SLC25A48: variants seen among roughly 807,000 people sequenced by gnomAD.
SLC25A48 encodes solute carrier family 25 member 48, also known as CTC-321K16.1.
In SLC25A48, 29 loss-of-function variants were observed where a neutral mutation model predicts 32.2. That is an observed-to-expected ratio of 0.90 (90% confidence interval 0.67 to 1.23). The LOEUF (loss-of-function observed/expected upper bound fraction) is 1.23. SLC25A48 is among the 50% of genes most tolerant of loss of function. SLC25A48 has a pLI of 0.00. For synonymous variants in SLC25A48, 164 were observed against 172.3 expected, an observed-to-expected ratio of 0.95 and a Z score of 0.38; for missense variants, 399 against 422.7, an observed-to-expected ratio of 0.94 and a Z score of 0.49.
At chr5:135,779,899 G>A (rs1289266414) in intron 3 of SLC25A48, among the ~76,000 whole-genome samples, 2 of 115,578 alleles carry the variant, frequency 1.7e-5, no homozygotes, top group African/African-American at 5.2e-5. Flanking sequence ...GTATTTCAGG[G>A]ATGTACACAC....
rs142376216 is a variant in SLC25A48 at position 135,824,131 on chromosome 5, C to T, written c.-117+11205C>T. 4.6e-3 allele frequency among the ~76,000 whole-genome samples: 698 copies of T among 152,256 alleles called. 1 individual carries two copies. The highest frequency in any genetic ancestry group is 0.016 in the African/African-American group (670 of 41,538). The stretch of plus-strand genomic sequence containing the variant: ...CAGGGAGGCTGGGGCTGGGAAGGCT[C>T]TTCTGAGCTGAGAGTCCAGGAGCAG... On this transcript the variant is annotated intron_variant, in intron 4 of 10. Transcript: ENST00000646290.
intron 1 of SLC25A48, among the ~76,000 whole-genome samples, chr5:135,591,806 C>T (rs1286588898): frequency 3.3e-5 from 5 of 152,216 alleles, no homozygotes; most frequent in Non-Finnish European, 5.9e-5. Flanking sequence ...ATACCTGTGA[C>T]GTTGACACCC....
At chr5:135,805,365 G>C (rs145407290) in intron 3 of SLC25A48, among the ~76,000 whole-genome samples, 1 of 150,900 alleles carries the variant, frequency 6.6e-6, no homozygotes, top group African/African-American at 2.4e-5. Context: ...TATCAACATG[G>C]GCATACACCC....
chr5:135,725,358 G>A (rs1755065077), intron 3 of SLC25A48, among the ~76,000 whole-genome samples: 1 of 152,180 alleles, frequency 6.6e-6, no homozygotes, highest in Non-Finnish European at 1.5e-5. Context: ...GGGGGCTGGT[G>A]GAGTGGTCAG....
chr5:135,788,765 C>T (rs559306237), intron 3 of SLC25A48, among the ~76,000 whole-genome samples: 73 of 149,506 alleles, frequency 4.9e-4, no homozygotes, highest in African/African-American at 1.7e-3. Flanking sequence ...CCGTAATATC[C>T]GTGGGTTGGG....
At chr5:135,823,780 C>T (rs550007338) in intron 4 of SLC25A48, among the ~76,000 whole-genome samples, 42 of 152,268 alleles carry the variant, frequency 2.8e-4, no homozygotes, top group East Asian at 3.9e-4. Context: ...CTTAACCAAG[C>T]GCTGAGGAAG....
At chr5:135,674,468 T>A (rs1272940529) in intron 3 of SLC25A48, among the ~76,000 whole-genome samples, 1 of 152,054 alleles carries the variant, frequency 6.6e-6, no homozygotes, top group Non-Finnish European at 1.5e-5. Context: ...CTGGTATCTA[T>A]CACTCTATTC....
chr5:135,671,714 GAGA>G (rs1207349916), intron 3 of SLC25A48: 3 of 152,204 alleles, frequency 2.0e-5, no homozygotes, highest in African/African-American at 7.2e-5. Context: ...CCAAAAAAAT[GAGA>G]AGAACATCAG....
intron 3 of SLC25A48, among the ~76,000 whole-genome samples, chr5:135,708,193 C>T (rs1339592828): frequency 6.6e-6 from 1 of 152,156 alleles, no homozygotes; most frequent in African/African-American, 2.4e-5. Context: ...CTTTTAAGCA[C>T]CTGCAAAAAT....
At chr5:135,853,921 C>T (rs755173040) in intron 4 of SLC25A48, among the ~76,000 whole-genome samples, 2 of 152,212 alleles carry the variant, frequency 1.3e-5, no homozygotes, top group Non-Finnish European at 2.9e-5. Flanking sequence ...GTCAAAATCA[C>T]TCCTTGATTC....
intron 3 of SLC25A48, among the ~76,000 whole-genome samples, chr5:135,744,285 A>G (rs1232928915): frequency 2.6e-5 from 4 of 152,172 alleles, no homozygotes; most frequent in African/African-American, 9.7e-5. Flanking sequence ...CTCTGGCTCA[A>G]TAAACCTCCA....
chr5:135,633,299 C>T (rs1752621705), intron 2 of SLC25A48, among the ~76,000 whole-genome samples: 2 of 136,908 alleles, frequency 1.5e-5, no homozygotes, highest in South Asian at 5.1e-4. Context: ...AATTGTGTCC[C>T]CCTGCCCCAC....
chr5:135,785,916 T>A (rs1180837103), intron 3 of SLC25A48, among the ~76,000 whole-genome samples: 3 of 148,804 alleles, frequency 2.0e-5, no homozygotes, highest in Admixed American at 6.6e-5. Context: ...TAGAGCATCC[T>A]TCTTGTCCCA....
At chr5:135,741,913 T>A (rs948597475) in intron 3 of SLC25A48, among the ~76,000 whole-genome samples, 3 of 152,144 alleles carry the variant, frequency 2.0e-5, no homozygotes, top group Admixed American at 6.5e-5. Context: ...TAATAAACTA[T>A]CCACGTGCAA....
In SLC25A48 at chr5:135,699,279, A is replaced by G. The variant is rs1394368038; in HGVS notation, c.-521+64323A>G. Among the ~76,000 whole-genome samples the G allele has an allele frequency of 2.0e-5, 3 of 152,224 alleles. No individual in the cohort carries two copies. In the East Asian group the frequency reaches 5.8e-4, roughly 29 times the overall value. The stretch of plus-strand genomic sequence containing the variant: ...AAGCTGGAAACAAACCAAGTGTTCA[A>G]CAGGAGAATAGATTTTTAAATGTGA... On this transcript the variant is annotated intron_variant, in intron 3 of 10. Coordinates refer to the SLC25A48 transcript ENST00000646290.
At chr5:135,692,311 C>T in intron 3 of SLC25A48, among the ~76,000 whole-genome samples, 1 of 114,958 alleles carries the variant, frequency 8.7e-6, no homozygotes, top group African/African-American at 3.3e-5. Context: ...AGAGCAAGAC[C>T]CCGTCTCAAA....
At chr5:135,642,890 A>C (rs1752873593) in intron 3 of SLC25A48, among the ~76,000 whole-genome samples, 1 of 152,246 alleles carries the variant, frequency 6.6e-6, no homozygotes, top group Non-Finnish European at 1.5e-5. Flanking sequence ...GCACAGGCTC[A>C]GATGGTATCC....
intron 3 of SLC25A48, among the ~76,000 whole-genome samples, chr5:135,694,530 C>A (rs1320787041): frequency 1.3e-5 from 2 of 152,114 alleles, no homozygotes; most frequent in African/African-American, 4.8e-5. Context: ...CCTTTTGCTC[C>A]CTGGAAATTC....
At chr5:135,648,735 T>G (rs1753030867) in intron 3 of SLC25A48, 1 of 152,282 alleles carries the variant, frequency 6.6e-6, no homozygotes, top group South Asian at 2.1e-4. Context: ...CTATGATTGC[T>G]TGTAAATGAT....
Sources: gnomAD v4.1 joint callset for allele counts (sites outside exome capture counted in the v4.1 genomes callset) on GRCh38, gnomAD v4.1.1 for gene constraint, MANE v1.5 for transcripts, NCBI Gene and HGNC (gene_info 2026-07-23, HGNC 2026-07-21) for gene names.